Variants in GPC5 observed in about 807,000 individuals in gnomAD.
The protein encoded by GPC5 is glypican-5.
A neutral mutation model predicts 53.9 loss-of-function variants in GPC5; 47 were observed. That is an observed-to-expected ratio of 0.87 (90% CI 0.69 to 1.11). The LOEUF (loss-of-function observed/expected upper bound fraction) is 1.11, where lower values mean the gene tolerates loss of function less well. Ranked by LOEUF, GPC5 falls within the 50% of genes most tolerant of loss-of-function variation. GPC5 has a pLI of 0.00. For missense variants in GPC5, 748 were observed against 713.1 expected (o/e 1.05, Z -0.56); for synonymous variants, 286 against 263.3 (o/e 1.09, Z -0.84).
At chr13:91,423,578 G>T (rs762023451) in intron 1 of GPC5, among the ~76,000 whole-genome samples, 1 of 152,100 alleles carries the variant, frequency 6.6e-6, no homozygotes. Flanking sequence ...GTAGAGGGGG[G>T]GTGTGGGGTG....
chr13:92,512,789 G>T (rs1445064140), intron 7 of GPC5, among the ~76,000 whole-genome samples: 1 of 152,150 alleles, frequency 6.6e-6, no homozygotes, highest in South Asian at 2.1e-4. Flanking sequence ...AACATTCTTA[G>T]AATCAGTTTT....
intron 7 of GPC5, among the ~76,000 whole-genome samples, chr13:92,787,913 A>T (rs1594507629): frequency 6.6e-6 from 1 of 151,060 alleles, no homozygotes. Flanking sequence ...CAAGATGAAG[A>T]GGAAGGAGAT....
At chr13:92,060,816 A>G (rs1216001849) in intron 6 of GPC5, among the ~76,000 whole-genome samples, 3 of 152,080 alleles carry the variant, frequency 2.0e-5, no homozygotes, top group African/African-American at 7.3e-5. Flanking sequence ...TAAAGAAAAC[A>G]GAAAGAGATA....
intron 7 of GPC5, among the ~76,000 whole-genome samples, chr13:92,210,016 C>T (rs990471975): frequency 2.6e-5 from 4 of 152,082 alleles, no homozygotes; most frequent in Admixed American, 1.3e-4. Flanking sequence ...GTTCTTCTGC[C>T]TGCTTTTATT....
At chr13:92,533,212 G>A (rs1357611328) in intron 7 of GPC5, among the ~76,000 whole-genome samples, 3 of 152,098 alleles carry the variant, frequency 2.0e-5, no homozygotes, top group African/African-American at 7.2e-5. Flanking sequence ...TATGTATGGT[G>A]AAAATACATG....
intron 6 of GPC5, among the ~76,000 whole-genome samples, chr13:92,058,349 C>T (rs1466310705): frequency 6.6e-6 from 1 of 151,956 alleles, no homozygotes; most frequent in Non-Finnish European, 1.5e-5. Context: ...AATCAATAAA[C>T]TTTATTTTAG....
At position 92,226,695 on chromosome 13, in the gene GPC5, T is replaced by A. The variant is rs2042489033; in HGVS notation, c.1561+81706T>A. ...GTCACTGCCACCTCTGCCTCCTGGG[T>A]TCAAGCGATTCTCCTTCCCCAGTCT... is the stretch of plus-strand genomic sequence containing the variant. On this transcript the variant is annotated intron_variant, in intron 7 of 7. Coordinates refer to ENST00000377067, the MANE Select transcript of GPC5 (RefSeq NM_004466.6). Among the ~76,000 whole-genome samples the A allele has an allele frequency of 3.3e-5, 5 of 151,106 alleles. No individual in the cohort carries two copies. In the Admixed American group the frequency reaches 3.3e-4, roughly 10 times the overall value.
intron 7 of GPC5, among the ~76,000 whole-genome samples, chr13:92,469,654 C>T (rs1566604079): frequency 6.6e-6 from 1 of 152,002 alleles, no homozygotes; most frequent in Non-Finnish European, 1.5e-5. Flanking sequence ...TTGTATAGTG[C>T]AGAATAGACA....
At chr13:92,113,040 G>A (rs1460769566) in intron 6 of GPC5, among the ~76,000 whole-genome samples, 3 of 152,024 alleles carry the variant, frequency 2.0e-5, no homozygotes, top group Non-Finnish European at 4.4e-5. Context: ...ACTGATAAGT[G>A]TATAATGACC....
intron 6 of GPC5, among the ~76,000 whole-genome samples, chr13:92,024,215 A>G (rs1436572680): frequency 6.6e-6 from 1 of 152,048 alleles, no homozygotes; most frequent in Non-Finnish European, 1.5e-5. Context: ...ATTTTCACTC[A>G]TATTACCCCC....
intron 3 of GPC5, among the ~76,000 whole-genome samples, chr13:91,720,218 CTTAT>C (rs2036434497): frequency 6.6e-6 from 1 of 152,130 alleles, no homozygotes; most frequent in South Asian, 2.1e-4. Context: ...TTGTGTATTT[CTTAT>C]TTATCTTTAT....
intron 7 of GPC5, among the ~76,000 whole-genome samples, chr13:92,296,767 C>A (rs1306861860): frequency 6.6e-6 from 1 of 152,210 alleles, no homozygotes; most frequent in Non-Finnish European, 1.5e-5. Context: ...GAGCAGCCAG[C>A]CAGCCCTGCT....
chr13:92,360,428 C>G (rs1197126243), intron 7 of GPC5, among the ~76,000 whole-genome samples: 1 of 151,648 alleles, frequency 6.6e-6, no homozygotes, highest in Non-Finnish European at 1.5e-5. Flanking sequence ...AATTCAACAT[C>G]ATTTCATGTA....
rs747564307 is a variant in GPC5 at position 92,264,874 on chromosome 13, CTCTCTGTGTGTGTGTG to C, written c.1561+119887_1561+119902del. On this transcript the variant is annotated intron_variant, in intron 7 of 7. Transcript: ENST00000377067. ...TTAGGGTCTCTCTCTCTCTCTCTCT[CTCTCTGTGTGTGTGTG>C]TGTGTGTGTGTGTGTGTGTGTGTGT... Among the ~76,000 whole-genome samples the C allele has an allele frequency of 8.5e-3, 992 of 116,492 alleles. 8 individuals carry two copies. Among genetic ancestry groups the C allele is most frequent in the African/African-American group, 0.035 (865 of 24,642 alleles). 76.4% of individuals were successfully genotyped at this position (116,492 alleles called of 152,430 possible).
At chr13:91,731,477 AG>A (rs1308458279) in intron 4 of GPC5, among the ~76,000 whole-genome samples, 1 of 151,990 alleles carries the variant, frequency 6.6e-6, no homozygotes, top group African/African-American at 2.4e-5. Flanking sequence ...TATTGTGTTC[AG>A]CTCAACTTTT....
chr13:92,692,754 A>ATTTTTTTTTTTTTTTTTTTTTTTTTTTT (rs71272284), intron 7 of GPC5, among the ~76,000 whole-genome samples: 25 of 81,032 alleles, frequency 3.1e-4, no homozygotes, highest in African/African-American at 3.9e-4. Context: ...AATATCGGCT[A>ATTTTTTTTTTTTTTTTTTTTTTTTTTTT]TTTTTTTTTT....
intron 2 of GPC5, among the ~76,000 whole-genome samples, chr13:91,664,430 C>T (rs1046166025): frequency 2.0e-5 from 3 of 152,190 alleles, no homozygotes; most frequent in Admixed American, 1.3e-4. Context: ...TGTGTTTTGT[C>T]CTCCACACAT....
chr13:92,712,934 AG>A (rs1274088211), intron 7 of GPC5, among the ~76,000 whole-genome samples: 1 of 152,094 alleles, frequency 6.6e-6, no homozygotes, highest in Non-Finnish European at 1.5e-5. Flanking sequence ...AGGCCCTCAA[AG>A]GAAACCAACC....
At chr13:91,571,816 T>TAC in intron 2 of GPC5, among the ~76,000 whole-genome samples, 1 of 108,626 alleles carries the variant, frequency 9.2e-6, no homozygotes, top group African/African-American at 4.7e-5. Flanking sequence ...CACACATACG[T>TAC]GTGTGTATAT....
Sources: allele counts gnomAD v4.1 joint callset (sites outside exome capture counted in the v4.1 genomes callset), GRCh38; gene constraint gnomAD v4.1.1; transcripts MANE v1.5; gene names NCBI Gene and HGNC (gene_info 2026-07-23, HGNC 2026-07-21).